The following PCDHGA7 variants were observed in gnomAD, a reference collection of about 807,000 sequenced individuals.
PCDHGA7 encodes protocadherin gamma subfamily A, 7.
A neutral mutation model predicts 58.3 loss-of-function variants in PCDHGA7; 44 were observed. The observed-to-expected ratio is 0.75, with a 90% confidence interval of 0.59 to 0.97. The LOEUF (loss-of-function observed/expected upper bound fraction) is 0.97, where lower values mean the gene tolerates loss of function less well. Ranked by LOEUF, PCDHGA7 falls within the 50% of genes least tolerant of loss-of-function variation. The probability of loss-of-function intolerance (pLI) is 0.00; values close to 1 mark genes in which losing one functional copy is unlikely to be tolerated. For synonymous variants in PCDHGA7, 516 were observed against 504.2 expected, an observed-to-expected ratio of 1.02 and a Z score of -0.31; for missense variants, 1,266 against 1,188.7, an observed-to-expected ratio of 1.06 and a Z score of -0.96.
chr5:141,512,866 AC>A lies in PCDHGA7; in HGVS notation c.*1694del. Reference sequence around the variant, plus strand: ...TATAAGCGCTTCTCTTCGCATAGTCACGTAGCTCCCACCCCACCCTCTTCCT... The same window carrying A: ...TATAAGCGCTTCTCTTCGCATAGTCAGTAGCTCCCACCCCACCCTCTTCCT... On this transcript the variant is annotated 3_prime_UTR_variant, in exon 4 of 4. Transcript: ENST00000518325. 1 of 152,098 alleles carries A rather than the reference AC, an allele frequency of 6.6e-6. No homozygotes were observed. Among genetic ancestry groups the A allele is most frequent in the Non-Finnish European group, 1.5e-5 (1 of 68,034 alleles). 9.4% of individuals were successfully genotyped at this position (152,098 alleles called of 1,614,324 possible).
At chr5:141,483,706 C>T (rs1187078630) in intron 1 of PCDHGA7, among the ~76,000 whole-genome samples, 1 of 151,926 alleles carries the variant, frequency 6.6e-6, no homozygotes, top group African/African-American at 2.4e-5. Context: ...CTTTTTGACA[C>T]CAGAATATTG....
chr5:141,400,368 C>T lies in PCDHGA7; in HGVS notation c.2424+15045C>T. On this transcript the variant is annotated intron_variant, in intron 1 of 3. Coordinates refer to ENST00000518325, the MANE Select transcript of PCDHGA7 (RefSeq NM_018920.4). ...ACAGTCAGGGGACTTTGCCTTATTC[C>T]TACAACCTATGTGTTGCACATACAG... is the stretch of plus-strand genomic sequence containing the variant. 8.1e-6 allele frequency: 13 copies of T among 1,614,044 alleles called. No homozygotes were observed. The highest frequency in any genetic ancestry group is 1.6e-4 in the Middle Eastern group (1 of 6,062).
At chr5:141,452,065 T>A (rs185791618) in intron 1 of PCDHGA7, among the ~76,000 whole-genome samples, 1 of 152,332 alleles carries the variant, frequency 6.6e-6, no homozygotes, top group Non-Finnish European at 1.5e-5. Flanking sequence ...TTATTCTACT[T>A]TTATTAGTTG....
intron 1 of PCDHGA7, chr5:141,421,800 G>T (rs995129799): frequency 1.2e-6 from 2 of 1,613,728 alleles, no homozygotes. Flanking sequence ...ATGGGGCCAA[G>T]AATCCAGAGC....
At chr5:141,448,316 T>G (rs1042171540) in intron 1 of PCDHGA7, among the ~76,000 whole-genome samples, 2 of 152,174 alleles carry the variant, frequency 1.3e-5, no homozygotes, top group Admixed American at 1.3e-4. Context: ...AGGAATCTTT[T>G]CTTTGAATCT....
In PCDHGA7 at chr5:141,431,553, A is replaced by G; in HGVS notation, c.2424+46230A>G. ...TTGGGCACGCAGCTGCTTGTAGTCA[A>G]CGCTACCGACCCTGACGAAGGAGTC... On this transcript the variant is annotated intron_variant, in intron 1 of 3. Transcript: ENST00000518325. The surrounding 1 kb of genome is among the most constrained non-coding windows in gnomAD (Gnocchi z 4.8). 1.2e-6 allele frequency: 2 copies of G among 1,614,112 alleles called. No individual in the cohort carries two copies. Among genetic ancestry groups the G allele is most frequent in the Non-Finnish European group, 1.7e-6 (2 of 1,180,020 alleles).
At position 141,485,680 on chromosome 5, in the gene PCDHGA7, C is replaced by A. The variant is rs1450674419; in HGVS notation, c.2425-9127C>A. The A allele has an allele frequency of 6.2e-7, 1 of 1,613,966 alleles. No individual in the cohort carries two copies. On this transcript the variant is annotated intron_variant, in intron 1 of 3. Transcript: ENST00000518325. The surrounding 1 kb of genome is among the most constrained non-coding windows in gnomAD (Gnocchi z 5.7). ...ATGTGGGGAGCAATTCGATTAGCAGCTATAGGCTGAGCTCCAATGAACACT... is the reference window on the plus strand; with the variant it reads ...ATGTGGGGAGCAATTCGATTAGCAGATATAGGCTGAGCTCCAATGAACACT...
rs368884524 is a variant in PCDHGA7 at position 141,409,933 on chromosome 5, G to A, written c.2424+24610G>A. On this transcript the variant is annotated intron_variant, in intron 1 of 3. Coordinates refer to ENST00000518325, the MANE Select transcript of PCDHGA7 (RefSeq NM_018920.4). ...CTGACGGCTCCGCGTTCTTCGATAT[G>A]GTACCTCGCTCTGCAGAGCCCGGCT... 50 of 1,613,236 alleles carry A rather than the reference G, an allele frequency of 3.1e-5. No homozygotes were observed. The highest frequency in any genetic ancestry group is 4.1e-5 in the Non-Finnish European group (48 of 1,179,790).
intron 1 of PCDHGA7, chr5:141,413,527 G>A (rs768496934): frequency 1.2e-6 from 2 of 1,613,938 alleles, no homozygotes; most frequent in Non-Finnish European, 1.7e-6. Flanking sequence ...GGAAGACAGG[G>A]TGAAACTTTT....
intron 1 of PCDHGA7, chr5:141,422,741 A>G (rs1319821802): frequency 6.2e-7 from 1 of 1,610,084 alleles, no homozygotes; most frequent in Non-Finnish European, 8.5e-7. Flanking sequence ...CTGTCCTCCT[A>G]TGTCTCTATT....
At position 141,477,146 on chromosome 5, in the gene PCDHGA7, G is replaced by A. The variant is rs1447966302; in HGVS notation, c.2425-17661G>A. The stretch of plus-strand genomic sequence containing the variant: ...TTGCAAAGTGTTGGTGGAGGTTGTG[G>A]ATGTGAATGACAACGCCCCGGAGAT... On this transcript the variant is annotated intron_variant, in intron 1 of 3. Coordinates refer to ENST00000518325, the MANE Select transcript of PCDHGA7 (RefSeq NM_018920.4). This position sits in a 1 kb window ranked among gnomAD's most constrained non-coding sequence, Gnocchi z 4.9. 1 of 1,614,182 alleles carries A rather than the reference G, an allele frequency of 6.2e-7. No homozygotes were observed. The highest frequency in any genetic ancestry group is 8.5e-7 in the Non-Finnish European group (1 of 1,180,044).
At chr5:141,415,551 C>T (rs745641887) in intron 1 of PCDHGA7, 1 of 1,614,132 alleles carries the variant, frequency 6.2e-7, no homozygotes, top group South Asian at 1.1e-5. Context: ...GTGAGAAAAA[C>T]GATCCTTTGT....
chr5:141,413,573 A>G (rs375156046), intron 1 of PCDHGA7: 12 of 1,613,768 alleles, frequency 7.4e-6, no homozygotes, highest in South Asian at 4.4e-5. Context: ...ATCAATGACA[A>G]TGCTCCAAAA....
intron 1 of PCDHGA7, chr5:141,409,289 G>A: frequency 1.2e-6 from 2 of 1,613,976 alleles, no homozygotes; most frequent in Middle Eastern, 1.6e-4. Context: ...TTCACCTCCA[G>A]GAATGGTTGT....
chr5:141,387,244 C>T (rs1267995802), intron 1 of PCDHGA7, among the ~76,000 whole-genome samples: 2 of 152,024 alleles, frequency 1.3e-5, no homozygotes, highest in South Asian at 2.1e-4. Context: ...CTTGGAGGTA[C>T]TTAGAAAAGT....
rs765634746 is a variant in PCDHGA7 at position 141,418,621 on chromosome 5, C to A, written c.2424+33298C>A. On this transcript the variant is annotated intron_variant, in intron 1 of 3. Transcript: ENST00000518325. Reference sequence around the variant, plus strand: ...TGTACAGGGTTAGCCTTCGGGAAGACGTGCCTCCAGGCACCTCCATCCTGA... The same window carrying A: ...TGTACAGGGTTAGCCTTCGGGAAGAAGTGCCTCCAGGCACCTCCATCCTGA... 8 of 1,614,034 alleles carry A rather than the reference C, an allele frequency of 5.0e-6. No individual in the cohort carries two copies. The East Asian group carries it at 1.8e-4, about 36-fold the overall frequency.
At chr5:141,407,370 A>G (rs1434825695) in intron 1 of PCDHGA7, among the ~76,000 whole-genome samples, 2 of 152,228 alleles carry the variant, frequency 1.3e-5, no homozygotes, top group Non-Finnish European at 2.9e-5. Flanking sequence ...ACAGATATCC[A>G]TGAAGGCTTG....
At position 141,420,439 on chromosome 5, in the gene PCDHGA7, C is replaced by T. The variant is rs2096496531; in HGVS notation, c.2424+35116C>T. ...TTAAAACAAAAGTTTAAATTAAATGCCTCAGTCTTCCTACTATTCAAAGAC... is the reference window on the plus strand; with the variant it reads ...TTAAAACAAAAGTTTAAATTAAATGTCTCAGTCTTCCTACTATTCAAAGAC... On this transcript the variant is annotated intron_variant, in intron 1 of 3. Coordinates refer to ENST00000518325, the MANE Select transcript of PCDHGA7 (RefSeq NM_018920.4). 10 of 1,073,160 alleles carry T rather than the reference C, an allele frequency of 9.3e-6. No individual in the cohort carries two copies. In the South Asian group the frequency reaches 2.0e-4, roughly 22 times the overall value. The allele number at this position is 1,073,160 out of a possible 1,614,324, so 66.5% of individuals were successfully genotyped here.
intron 1 of PCDHGA7, chr5:141,440,642 A>G (rs1351979857): frequency 6.6e-6 from 1 of 152,234 alleles, no homozygotes; most frequent in African/African-American, 2.4e-5. Context: ...AATTCCTTAC[A>G]AAATTATCAC....
Sources: allele counts gnomAD v4.1 joint callset (sites outside exome capture counted in the v4.1 genomes callset), GRCh38; gene constraint gnomAD v4.1.1; non-coding constraint Gnocchi (gnomAD v3.1); transcripts MANE v1.5; gene names NCBI Gene and HGNC (gene_info 2026-07-23, HGNC 2026-07-21).